Variants in EYA1 observed in about 807,000 individuals in gnomAD.
EYA1 encodes the protein protein phosphatase EYA1.
A neutral mutation model predicts 82.0 loss-of-function variants in EYA1; 16 were observed. The observed-to-expected ratio is 0.20, with a 90% CI of 0.13 to 0.30. The LOEUF (loss-of-function observed/expected upper bound fraction) is 0.30. Among genes scored for constraint, EYA1 ranks in the 10% least tolerant of loss-of-function variants. The pLI is 1.00. For missense variants in EYA1, 633 were observed against 730.7 expected (o/e 0.87, Z 1.54); for synonymous variants, 261 against 264.4 (o/e 0.99, Z 0.12).
intron 17 of EYA1, among the ~76,000 whole-genome samples, chr8:71,207,840 C>G (rs62507622): frequency 8.9e-6 from 1 of 112,980 alleles, no homozygotes. Flanking sequence ...TAATAGAATA[C>G]TTTTGTACAA....
chr8:71,377,105 T>C (rs1295776045), intron 2 of EYA1, among the ~76,000 whole-genome samples: 1 of 152,152 alleles, frequency 6.6e-6, no homozygotes, highest in African/African-American at 2.4e-5. Flanking sequence ...CCTCCTCAAA[T>C]TCTGGGTTTG....
chr8:71,199,507 C>G, intron 17 of EYA1, 87 bp from the exon 18 acceptor site: 1 of 804,444 alleles, frequency 1.2e-6, no homozygotes, highest in Admixed American at 2.0e-5. Context: ...CCATGCTGAC[C>G]CCCATTTTCA....
chr8:71,402,707 T>C (rs1300320080), intron 2 of EYA1, among the ~76,000 whole-genome samples: 4 of 152,122 alleles, frequency 2.6e-5, no homozygotes, highest in Non-Finnish European at 5.9e-5. Context: ...ATAATACAAG[T>C]TATTATAAGA....
chr8:71,314,282 G>C (rs192187655), intron 7 of EYA1, among the ~76,000 whole-genome samples: 1 of 152,180 alleles, frequency 6.6e-6, no homozygotes. Context: ...ATTGAATAAT[G>C]AGAAGCAGTA....
chr8:71,429,460 A>G (rs756556797), intron 2 of EYA1, among the ~76,000 whole-genome samples: 29 of 152,190 alleles, frequency 1.9e-4, no homozygotes, highest in Non-Finnish European at 3.4e-4. Context: ...ATAATAATAT[A>G]CTACATTGGT....
intron 2 of EYA1, among the ~76,000 whole-genome samples, chr8:71,411,797 C>A (rs369995518): frequency 1.4e-5 from 2 of 145,436 alleles, no homozygotes; most frequent in African/African-American, 2.6e-5. Flanking sequence ...TAAACTAGTT[C>A]AACCATTGTG....
intron 2 of EYA1, among the ~76,000 whole-genome samples, chr8:71,514,208 T>G (rs1812801465): frequency 6.6e-6 from 1 of 152,144 alleles, no homozygotes; most frequent in Non-Finnish European, 1.5e-5. Flanking sequence ...TAACTTACTT[T>G]GTAGATTTGT....
chr8:71,395,495 G>A (rs1021761847), intron 2 of EYA1, among the ~76,000 whole-genome samples: 4 of 152,174 alleles, frequency 2.6e-5, no homozygotes, highest in Non-Finnish European at 5.9e-5. Context: ...AGAGTTTTTA[G>A]CATGAAGGGT....
rs539759189 is a variant in EYA1, at chr8:71,296,811, A to T, written c.826+2236T>A. ...AAACTTCCTTTTCATCAAGAATAGT[A>T]AGTCTATTATTTTATATACGACTAC... On this transcript the variant is annotated intron_variant, in intron 9 of 17. Transcript: ENST00000340726. 6.3e-4 allele frequency among the ~76,000 whole-genome samples: 96 copies of T among 152,236 alleles called. 1 individual carries two copies. Among genetic ancestry groups the T allele is most frequent in the South Asian group, 3.7e-3 (18 of 4,826 alleles).
At chr8:71,221,110 A>G (rs1011100304) in intron 12 of EYA1, among the ~76,000 whole-genome samples, 1 of 152,248 alleles carries the variant, frequency 6.6e-6, no homozygotes, top group African/African-American at 2.4e-5. Flanking sequence ...CTGAAGAATT[A>G]AAATTATATT....
At chr8:71,422,813 G>A (rs548722451) in intron 2 of EYA1, among the ~76,000 whole-genome samples, 2 of 152,134 alleles carry the variant, frequency 1.3e-5, no homozygotes, top group South Asian at 4.2e-4. Context: ...GAGGGTAACC[G>A]CCCCCATGAC....
rs528632560 is a variant in EYA1, at chr8:71,222,537, G to A, written c.1141-5514C>T. The stretch of plus-strand genomic sequence containing the variant: ...CTTGGCACTTTGTATCCCTCGTAGA[G>A]GATATTCTTCCTTCCCCCACAGCAA... On this transcript the variant is annotated intron_variant, in intron 12 of 17. Coordinates refer to ENST00000340726, the MANE Select transcript of EYA1 (RefSeq NM_000503.6). Among the ~76,000 whole-genome samples, 3 of 152,270 alleles carry A rather than the reference G, an allele frequency of 2.0e-5. No individual in the cohort carries two copies. In the South Asian group the frequency reaches 6.2e-4, roughly 32 times the overall value.
At chr8:71,309,601 G>C (rs1276959167) in intron 7 of EYA1, among the ~76,000 whole-genome samples, 1 of 152,170 alleles carries the variant, frequency 6.6e-6, no homozygotes, top group South Asian at 2.1e-4. Context: ...CTTTTCTATA[G>C]ATAATAAAAA....
intron 2 of EYA1, among the ~76,000 whole-genome samples, chr8:71,504,946 T>A (rs549340662): frequency 6.6e-6 from 1 of 152,072 alleles, no homozygotes; most frequent in Non-Finnish European, 1.5e-5. Flanking sequence ...GGACTACAGG[T>A]GTGCGCCACC....
Position 71,199,377 on chromosome 8 carries a change from A to G in EYA1, c.1742T>C (p.Met581Thr), listed in dbSNP as rs1806635277. 6.2e-7 allele frequency: 1 copy of G among 1,613,350 alleles called. No homozygotes were observed. Among genetic ancestry groups the G allele is most frequent in the African/African-American group, 1.3e-5 (1 of 74,926 alleles). Reference sequence around the variant, plus strand: ...CAGTTCCAAGGCATGGTGCAGGGCCATGAGGTCCGAGTGGCTGGAGATCCT... The same window carrying G: ...CAGTTCCAAGGCATGGTGCAGGGCCGTGAGGTCCGAGTGGCTGGAGATCCT... ...FWRISSHSDLMALHHALELEY... is the reference protein window; with the variant it reads ...FWRISSHSDLTALHHALELEY... The change falls in exon 18 of 18, where the codon ATG (methionine) becomes ACG (threonine). Residue 581 changes from methionine (M) to threonine (T), a missense_variant. Coordinates refer to ENST00000340726, the MANE Select transcript of EYA1 (RefSeq NM_000503.6).
intron 12 of EYA1, among the ~76,000 whole-genome samples, chr8:71,219,422 C>A (rs932625187): frequency 4.0e-5 from 6 of 151,828 alleles, no homozygotes; most frequent in African/African-American, 1.5e-4. Context: ...ATCAGCACCT[C>A]CAGGAATGAA....
intron 11 of EYA1, among the ~76,000 whole-genome samples, chr8:71,251,453 G>A (rs1282876537): frequency 6.6e-6 from 1 of 152,100 alleles, no homozygotes; most frequent in Non-Finnish European, 1.5e-5. Context: ...ATCTAACCCT[G>A]CTCCGAAATT....
intron 4 of EYA1, among the ~76,000 whole-genome samples, chr8:71,328,266 G>A (rs550016810): frequency 2.3e-4 from 35 of 152,242 alleles, no homozygotes; most frequent in Admixed American, 3.9e-4. Context: ...TTTACAAACC[G>A]TAAGCCCTGT....
chr8:71,416,794 T>G (rs1830876348), intron 2 of EYA1, among the ~76,000 whole-genome samples: 3 of 152,196 alleles, frequency 2.0e-5, no homozygotes, highest in Admixed American at 2.0e-4. Context: ...CATAGCCACA[T>G]AAAAATTTGA....
Sources: gnomAD v4.1 joint callset for allele counts (sites outside exome capture counted in the v4.1 genomes callset) on GRCh38, gnomAD v4.1.1 for gene constraint, MANE v1.5 for transcripts, NCBI Gene and HGNC (gene_info 2026-07-23, HGNC 2026-07-21) for gene names.